SPATA6L: variants seen among roughly 807,000 people sequenced by gnomAD.
SPATA6L encodes the protein spermatogenesis associated 6 like, also known as spermatogenesis associated 6-like protein.
SPATA6L carries 68 observed loss-of-function variants against 49.2 expected under a neutral mutation model. That is an observed-to-expected ratio of 1.38 (90% confidence interval 1.14 to 1.69). The LOEUF (loss-of-function observed/expected upper bound fraction) is 1.69. Ranked by LOEUF, SPATA6L falls within the 40% of genes most tolerant of loss-of-function variation. The pLI, the probability that SPATA6L is intolerant of heterozygous loss-of-function variation, is 0.00. For synonymous variants in SPATA6L, 198 were observed against 165.7 expected (o/e 1.19, Z -1.50); for missense variants, 668 against 464.3 (o/e 1.44, Z -4.03).
chr9:4,647,681 G>A (rs910997031), intron 3 of SPATA6L, among the ~76,000 whole-genome samples: 5 of 152,030 alleles, frequency 3.3e-5, no homozygotes, highest in South Asian at 4.1e-4. Flanking sequence ...GCAAACCTAT[G>A]TAGAATGACA....
chr9:4,639,930 G>A (rs1043512514), intron 3 of SPATA6L, among the ~76,000 whole-genome samples: 14 of 152,014 alleles, frequency 9.2e-5, no homozygotes, highest in Non-Finnish European at 1.8e-4. Context: ...GATGCCACAC[G>A]GCTAGTGATA....
rs1284329724 is a variant in SPATA6L at position 4,644,182 on chromosome 9, GC to G, written c.227-8784del. Reference sequence around the variant, plus strand: ...GGCAACATAGTAAGATGCCATCTCTGCAAAAAAAAAAAAAAAAAAAAAAAAA... The same window carrying G: ...GGCAACATAGTAAGATGCCATCTCTGAAAAAAAAAAAAAAAAAAAAAAAAA... On this transcript the variant is annotated intron_variant, in intron 3 of 11. Transcript: ENST00000682582. Among the ~76,000 whole-genome samples the G allele has an allele frequency of 5.2e-3, 256 of 49,400 alleles. 6 individuals carry two copies. The highest frequency in any genetic ancestry group is 0.012 in the South Asian group (15 of 1,256). The allele number at this position is 49,400 out of a possible 152,430, so 32.4% of individuals were successfully genotyped here.
At chr9:4,605,953 C>T (rs549797755) in intron 9 of SPATA6L, among the ~76,000 whole-genome samples, 38 of 152,220 alleles carry the variant, frequency 2.5e-4, no homozygotes, top group Non-Finnish European at 4.1e-4. Context: ...AGTGTGTGCG[C>T]GCACCGTGCG....
At chr9:4,606,245 C>A (rs541445874) in intron 9 of SPATA6L, among the ~76,000 whole-genome samples, 8 of 143,462 alleles carry the variant, frequency 5.6e-5, no homozygotes, top group African/African-American at 1.9e-4. Flanking sequence ...ATTGCCCAGG[C>A]TTGCTGAGGT....
At chr9:4,620,516 C>G (rs994957000) in intron 7 of SPATA6L, among the ~76,000 whole-genome samples, 1 of 152,200 alleles carries the variant, frequency 6.6e-6, no homozygotes, top group Non-Finnish European at 1.5e-5. Flanking sequence ...CCAGGTGATT[C>G]AACTGCACAT....
chr9:4,638,677 C>G (rs1176333279), intron 3 of SPATA6L, among the ~76,000 whole-genome samples: 1 of 152,166 alleles, frequency 6.6e-6, no homozygotes, highest in African/African-American at 2.4e-5. Flanking sequence ...GAAGTACAAC[C>G]TGCAAATGGA....
intron 3 of SPATA6L, among the ~76,000 whole-genome samples, chr9:4,650,222 C>T (rs1488089766): frequency 6.6e-6 from 1 of 152,216 alleles, no homozygotes; most frequent in South Asian, 2.1e-4. Flanking sequence ...CCCATTCTGA[C>T]TTCTACCCAG....
In SPATA6L at chr9:4,662,176, A is replaced by T. The variant is rs1183658627; in HGVS notation, c.40-140T>A. The T allele has an allele frequency of 2.1e-6, 3 of 1,450,360 alleles. No homozygotes were observed. The East Asian group carries it at 7.5e-5, about 36-fold the overall frequency. 89.8% of individuals were successfully genotyped at this position (1,450,360 alleles called of 1,614,324 possible). ...CTCACTCCCTCACCTGTACCTCCCAACGCCAACATCCTCCCCTCTGCTCTC... is the reference window on the plus strand; with the variant it reads ...CTCACTCCCTCACCTGTACCTCCCATCGCCAACATCCTCCCCTCTGCTCTC... On this transcript the variant is annotated intron_variant, in intron 1 of 11. Transcript: ENST00000682582. This position sits in a 1 kb window ranked among gnomAD's most constrained non-coding sequence, Gnocchi z 4.9.
At chr9:4,659,458 A>C (rs6476887) in intron 2 of SPATA6L, among the ~76,000 whole-genome samples, 90,291 of 149,350 alleles carry the variant, frequency 0.6, 28,688 homozygotes, top group African/African-American at 0.8. Context: ...ATCTAGGAAT[A>C]CAACTTACAA....
intron 5 of SPATA6L, 53 bp downstream of exon 5, chr9:4,629,038 T>C (rs768456770): frequency 1.8e-5 from 24 of 1,360,184 alleles, no homozygotes; most frequent in African/African-American, 9.2e-5. Flanking sequence ...ATTCTTTAAA[T>C]TTGAAAAAAA....
At chr9:4,661,771 G>T in intron 2 of SPATA6L, 128 bp downstream of exon 2, 9 of 1,299,530 alleles carry the variant, frequency 6.9e-6, no homozygotes, top group Admixed American at 2.5e-5. Context: ...TTTGCATTGT[G>T]CTGAAGTGCT....
At chr9:4,664,440 C>G (rs1243154316) in intron 1 of SPATA6L, 2 of 166,966 alleles carry the variant, frequency 1.2e-5, no homozygotes, top group African/African-American at 4.8e-5. Context: ...GCTGCTATAC[C>G]AGGCACAAGA....
intron 5 of SPATA6L, chr9:4,626,660 A>G (rs999770711): frequency 1.0e-6 from 1 of 989,960 alleles, no homozygotes; most frequent in African/African-American, 1.7e-5. Context: ...TAAAAATTAA[A>G]TCTTTCTGTT....
intron 11 of SPATA6L, among the ~76,000 whole-genome samples, chr9:4,603,922 A>C (rs528231483): frequency 5.9e-5 from 9 of 152,296 alleles, no homozygotes; most frequent in African/African-American, 1.9e-4. Flanking sequence ...AGCTGAAAGA[A>C]GGCCGGAAAG....
intron 3 of SPATA6L, among the ~76,000 whole-genome samples, chr9:4,651,339 T>C (rs901236772): frequency 1.3e-5 from 2 of 152,210 alleles, no homozygotes; most frequent in African/African-American, 4.8e-5. Flanking sequence ...AAGAGACTTA[T>C]AATGTGTAGA....
intron 6 of SPATA6L, among the ~76,000 whole-genome samples, 182 bp from the exon 7 acceptor site, chr9:4,622,692 G>C (rs1480144262): frequency 6.6e-6 from 1 of 152,192 alleles, no homozygotes; most frequent in African/African-American, 2.4e-5. Flanking sequence ...AGGAGAAACT[G>C]TTTGTCCTTC....
At position 4,644,678 on chromosome 9, in the gene SPATA6L, CT is replaced by C. The variant is rs1156505234; in HGVS notation, c.227-9280del. ...CAGTATTCTCTCTCTCTCTCTCTCT[CT>C]CTCTCTCACACACACACACACACAC... On this transcript the variant is annotated intron_variant, in intron 3 of 11. Coordinates refer to ENST00000682582, the MANE Select transcript of SPATA6L (RefSeq NM_001353486.2). 2.7e-3 allele frequency among the ~76,000 whole-genome samples: 363 copies of C among 132,690 alleles called. 2 individuals are homozygous for C. The highest frequency in any genetic ancestry group is 0.012 in the African/African-American group (354 of 29,464). The allele number at this position is 132,690 out of a possible 152,430, so 87.0% of individuals were successfully genotyped here. A position where few individuals can be genotyped will look rare whatever the true frequency, so the allele number is the denominator to read the frequency against.
intron 3 of SPATA6L, among the ~76,000 whole-genome samples, chr9:4,638,176 T>TAGGAAGAC (rs61300790): frequency 0.11 from 17,345 of 152,036 alleles, 1,985 homozygotes; most frequent in African/African-American, 0.29. Context: ...ATAGAGAGGC[T>TAGGAAGAC]AGGAAGACAG....
chr9:4,641,472 A>T (rs1051800122), intron 3 of SPATA6L, among the ~76,000 whole-genome samples: 1 of 152,224 alleles, frequency 6.6e-6, no homozygotes, highest in Admixed American at 6.5e-5. Context: ...TATACTTCAG[A>T]TCATCTCTAG....
Sources: allele counts gnomAD v4.1 joint callset (sites outside exome capture counted in the v4.1 genomes callset), GRCh38; gene constraint gnomAD v4.1.1; non-coding constraint Gnocchi (gnomAD v3.1); transcripts MANE v1.5; gene names NCBI Gene and HGNC (gene_info 2026-07-23, HGNC 2026-07-21).